The following NOB1 variants were observed in gnomAD, a reference collection of about 807,000 sequenced individuals.
NOB1 encodes the protein NIN1 (RPN12) binding protein 1 homolog, also known as RNA-binding protein NOB1.
NOB1 carries 44 observed loss-of-function variants against 44.8 expected under a neutral mutation model. The ratio of observed to expected loss-of-function variants is 0.98; its 90% CI spans 0.77 to 1.26. The LOEUF is 1.26. Ranked by LOEUF, NOB1 falls within the 50% of genes most tolerant of loss-of-function variation. The probability of loss-of-function intolerance (pLI) is 0.00; values close to 1 mark genes in which losing one functional copy is unlikely to be tolerated. For synonymous variants in NOB1, 238 were observed against 218.7 expected (o/e 1.09, Z -0.78); for missense variants, 560 against 544.8 (o/e 1.03, Z -0.28).
At chr16:69,743,383 A>G (rs1474189007) in intron 8 of NOB1, among the ~76,000 whole-genome samples, 1 of 152,266 alleles carries the variant, frequency 6.6e-6, no homozygotes, top group Non-Finnish European at 1.5e-5. Flanking sequence ...ACAAAGTCTC[A>G]GTCTCTTTCT....
chr16:69,746,494 C>T lies in NOB1; in HGVS notation c.825-1477G>A, dbSNP rs535547297. 2.6e-5 allele frequency among the ~76,000 whole-genome samples: 4 copies of T among 152,344 alleles called. No homozygotes were observed. The South Asian group carries it at 8.3e-4, about 32-fold the overall frequency. On this transcript the variant is annotated intron_variant, in intron 7 of 8. Coordinates refer to ENST00000268802, the MANE Select transcript of NOB1 (RefSeq NM_014062.3). ...AAGAGTCAGAAAAGCAATGAGAGGT[C>T]AGTGGTCAAGAAACTAACAGTTCAC...
intron 2 of NOB1, among the ~76,000 whole-genome samples, chr16:69,753,264 G>C (rs1427788912): frequency 6.6e-6 from 1 of 152,146 alleles, no homozygotes; most frequent in East Asian, 1.9e-4. Flanking sequence ...CTGGATTTCA[G>C]ATTCAGTATG....
chr16:69,754,535 G>A, intron 2 of NOB1, 59 bp downstream of exon 2: 2 of 1,600,506 alleles, frequency 1.2e-6, no homozygotes, highest in African/African-American at 1.3e-5. Context: ...GCACCCAACT[G>A]GGTGCCATCT....
chr16:69,742,744 CGT>C, intron 8 of NOB1, 143 bp from the exon 9 acceptor site: 1 of 794,884 alleles, frequency 1.3e-6, no homozygotes, highest in Non-Finnish European at 2.0e-6. Context: ...CCATGTGCTA[CGT>C]GTGACATGCC....
chr16:69,742,189 G>C lies in NOB1; in HGVS notation c.*143C>G, dbSNP rs1258381211. On this transcript the variant is annotated 3_prime_UTR_variant, in exon 9 of 9. Coordinates refer to ENST00000268802, the MANE Select transcript of NOB1 (RefSeq NM_014062.3). Reference sequence around the variant, plus strand: ...GTCCAGTTCCCTGCAGACCCAGCGGGGCATGGGCGGACAGAGCCGCACCGT... The same window carrying C: ...GTCCAGTTCCCTGCAGACCCAGCGGCGCATGGGCGGACAGAGCCGCACCGT... 11 of 1,052,776 alleles carry C rather than the reference G, an allele frequency of 1.0e-5. No individual in the cohort carries two copies. The highest frequency in any genetic ancestry group is 1.6e-5 in the African/African-American group (1 of 62,840). The allele number at this position is 1,052,776 out of a possible 1,614,324, so 65.2% of individuals were successfully genotyped here. A position where few individuals can be genotyped will look rare whatever the true frequency, so the allele number is the denominator to read the frequency against.
chr16:69,754,456 C>G (rs1229194943), intron 2 of NOB1, 138 bp downstream of exon 2: 1 of 1,221,288 alleles, frequency 8.2e-7, no homozygotes, highest in Non-Finnish European at 1.1e-6. Context: ...AGCCTCTCTC[C>G]TACCACAATC....
At chr16:69,745,133 C>T (rs2151752926) in intron 7 of NOB1, 116 bp from the exon 8 acceptor site, 1 of 1,034,996 alleles carries the variant, frequency 9.7e-7, no homozygotes. Flanking sequence ...CTGAACCGCA[C>T]CACACATGTC....
intron 6 of NOB1, 128 bp from the exon 7 acceptor site, chr16:69,748,457 G>A (rs2038452192): frequency 2.6e-6 from 2 of 767,130 alleles, no homozygotes; most frequent in Non-Finnish European, 4.3e-6. Flanking sequence ...ACTCAGCCTG[G>A]GGAGGCCTCT....
At chr16:69,751,723 G>A (rs527288260) in intron 3 of NOB1, among the ~76,000 whole-genome samples, 5 of 152,320 alleles carry the variant, frequency 3.3e-5, no homozygotes, top group Non-Finnish European at 7.4e-5. Context: ...GACATACCAA[G>A]AAATATCTAT....
Position 69,749,202 on chromosome 16 carries a change from C to T in NOB1, c.525+11G>A, listed in dbSNP as rs373209073. 1.2e-6 allele frequency: 2 copies of T among 1,612,776 alleles called. No individual in the cohort carries two copies. Among genetic ancestry groups the T allele is most frequent in the Non-Finnish European group, 1.7e-6 (2 of 1,179,332 alleles). On this transcript the variant is annotated intron_variant, in intron 5 of 8. Transcript: ENST00000268802. ...GAGCTGTCGTCAGAAGACCAAAAGT[C>T]AAGGCCTCACCAGCAGCTCCTGCAG...
At chr16:69,748,087 C>T in intron 7 of NOB1, 145 bp downstream of exon 7, 1 of 560,760 alleles carries the variant, frequency 1.8e-6, no homozygotes. Context: ...ATTGCTTGAA[C>T]CCAGGAGGCA....
Position 69,745,129 on chromosome 16 carries a change from C to G in NOB1, c.825-112G>C, listed in dbSNP as rs926205566. On this transcript the variant is annotated intron_variant, in intron 7 of 8. Coordinates refer to ENST00000268802, the MANE Select transcript of NOB1 (RefSeq NM_014062.3). ...GAGAAGAAACAGGGAAGGGCTGAAC[C>G]GCACCACACATGTCACAAAGACGGA... is the stretch of plus-strand genomic sequence containing the variant. 3.7e-6 allele frequency: 4 copies of G among 1,083,996 alleles called. No individual in the cohort carries two copies. In the East Asian group the frequency reaches 7.5e-5, roughly 20 times the overall value. The allele number at this position is 1,083,996 out of a possible 1,614,324, so 67.1% of individuals were successfully genotyped here.
At position 69,745,123 on chromosome 16, in the gene NOB1, C is replaced by A. The variant is rs1346175827; in HGVS notation, c.825-106G>T. ...CCTCAGGAGAAGAAACAGGGAAGGG[C>A]TGAACCGCACCACACATGTCACAAA... On this transcript the variant is annotated intron_variant, in intron 7 of 8. Transcript: ENST00000268802. The A allele has an allele frequency of 3.5e-6, 4 of 1,150,928 alleles. No homozygotes were observed. The African/African-American group carries it at 4.6e-5, about 13-fold the overall frequency. The allele number at this position is 1,150,928 out of a possible 1,614,324, so 71.3% of individuals were successfully genotyped here. A position where few individuals can be genotyped will look rare whatever the true frequency, so the allele number is the denominator to read the frequency against.
rs758767437 is a variant in NOB1 at position 69,742,478 on chromosome 16, CAG to C, written c.1091_1092del (p.Pro364ArgfsTer13). 2.5e-6 allele frequency: 4 copies of C among 1,614,232 alleles called. No individual in the cohort carries two copies. The highest frequency in any genetic ancestry group is 3.4e-6 in the Non-Finnish European group (4 of 1,180,042). ...AAGGGTGACACCCCGGCGATGTAGTCAGGGGCGAACACGTTGGTTTTCTGCCT... is the reference window on the plus strand; with the variant it reads ...AAGGGTGACACCCCGGCGATGTAGTCGGGCGAACACGTTGGTTTTCTGCCT... ...KARQKTNVFAPDYIAGVSPFV... is the reference protein window; with the variant it reads ...KARQKTNVFAXDYIAGVSPFV... On this transcript the variant is annotated frameshift_variant, in exon 9 of 9. Coordinates refer to ENST00000268802, the MANE Select transcript of NOB1 (RefSeq NM_014062.3). LOFTEE classifies it high-confidence loss of function.
chr16:69,745,806 G>C (rs1308408202), intron 7 of NOB1, among the ~76,000 whole-genome samples: 1 of 152,214 alleles, frequency 6.6e-6, no homozygotes, highest in African/African-American at 2.4e-5. Flanking sequence ...TGCCTTACCT[G>C]AAGTCTCTTG....
At chr16:69,742,686 G>T in intron 8 of NOB1, 85 bp from the exon 9 acceptor site, 1 of 1,398,754 alleles carries the variant, frequency 7.1e-7, no homozygotes, top group Non-Finnish European at 1.0e-6. Context: ...AGCCGACCTT[G>T]CAGATCCTGG....
intron 3 of NOB1, among the ~76,000 whole-genome samples, chr16:69,751,436 TG>T (rs1385157783): frequency 6.6e-6 from 1 of 151,150 alleles, no homozygotes; most frequent in Non-Finnish European, 1.5e-5. Context: ...GAGGCTGAGG[TG>T]GGAGGATCAC....
chr16:69,749,346 T>G lies in NOB1; in HGVS notation c.400-8A>C. 6.3e-7 allele frequency: 1 copy of G among 1,579,668 alleles called. No individual in the cohort carries two copies. The highest frequency in any genetic ancestry group is 8.5e-7 in the Non-Finnish European group (1 of 1,169,802). ...TTCTTGTGGGGGTTTAGGCTGAAATTAAAAGAAACAATTTTAAAACCTGAA... is the reference window on the plus strand; with the variant it reads ...TTCTTGTGGGGGTTTAGGCTGAAATGAAAAGAAACAATTTTAAAACCTGAA... On this transcript the variant is annotated splice_polypyrimidine_tract_variant and splice_region_variant and intron_variant, in intron 4 of 8. Transcript: ENST00000268802.
rs562690713 is a variant in NOB1, at chr16:69,745,267, C to T, written c.825-250G>A. Among the ~76,000 whole-genome samples the T allele has an allele frequency of 3.3e-5, 5 of 152,254 alleles. No homozygotes were observed. The South Asian group carries it at 6.2e-4, about 19-fold the overall frequency. ...GAGCAGGATGCAGTTAGGTGAATCC[C>T]GAACCCTTCCTACACACCGCCAGGC... On this transcript the variant is annotated intron_variant, in intron 7 of 8. Coordinates refer to ENST00000268802, the MANE Select transcript of NOB1 (RefSeq NM_014062.3).
Sources: gnomAD v4.1 joint callset for allele counts (sites outside exome capture counted in the v4.1 genomes callset) on GRCh38, gnomAD v4.1.1 for gene constraint, MANE v1.5 for transcripts, NCBI Gene and HGNC (gene_info 2026-07-23, HGNC 2026-07-21) for gene names.